Variants in NR3C2 observed in about 807,000 individuals in gnomAD.
The protein encoded by NR3C2 is nuclear receptor subfamily 3 group C member 2.
NR3C2 carries 15 observed loss-of-function variants against 86.4 expected under a neutral mutation model. The observed-to-expected ratio is 0.17, with a 90% CI of 0.12 to 0.27. The LOEUF is 0.27. NR3C2 is among the 10% of genes least tolerant of loss of function. The pLI is 1.00. For missense variants in NR3C2, 960 were observed against 1,195.6 expected (o/e 0.80, Z 2.91); for synonymous variants, 458 against 450.5 (o/e 1.02, Z -0.21).
intron 2 of NR3C2, among the ~76,000 whole-genome samples, chr4:148,413,212 T>G (rs1748798701): frequency 2.0e-5 from 3 of 152,166 alleles, no homozygotes; most frequent in Admixed American, 2.0e-4. Context: ...TGTATTCTGT[T>G]CTTAGCCTCT....
upstream of NR3C2, chr4:148,442,861 A>G (rs1750422878): frequency 9.1e-6 from 9 of 985,266 alleles, no homozygotes; most frequent in Middle Eastern, 5.2e-4. Context: ...GACCGACCCC[A>G]GGATATCTGG....
At chr4:148,259,106 T>G (rs1739966275) in intron 3 of NR3C2, among the ~76,000 whole-genome samples, 1 of 152,200 alleles carries the variant, frequency 6.6e-6, no homozygotes, top group Non-Finnish European at 1.5e-5. Context: ...TTCAAGCCAC[T>G]TATGTTTAAG....
intron 4 of NR3C2, among the ~76,000 whole-genome samples, chr4:148,162,583 C>A (rs1369281188): frequency 6.6e-6 from 1 of 152,196 alleles, no homozygotes; most frequent in Non-Finnish European, 1.5e-5. Flanking sequence ...GTAATCATCT[C>A]TGGGCAATGG....
At chr4:148,418,984 A>C (rs1749139832) in intron 2 of NR3C2, among the ~76,000 whole-genome samples, 1 of 150,892 alleles carries the variant, frequency 6.6e-6, no homozygotes, top group Admixed American at 6.6e-5. Flanking sequence ...AGAGGATGCT[A>C]TCTCTTTACC....
At chr4:148,346,609 C>A (rs1400143453) in intron 2 of NR3C2, among the ~76,000 whole-genome samples, 1 of 152,000 alleles carries the variant, frequency 6.6e-6, no homozygotes, top group African/African-American at 2.4e-5. Context: ...CTATGGTGCA[C>A]CTGGGATACA....
chr4:148,174,582 T>C (rs1315679140), intron 4 of NR3C2, among the ~76,000 whole-genome samples: 1 of 152,156 alleles, frequency 6.6e-6, no homozygotes, highest in African/African-American at 2.4e-5. Context: ...GCATGGAGCA[T>C]GTAGGGGGCA....
chr4:148,353,083 A>C (rs575549717), intron 2 of NR3C2, among the ~76,000 whole-genome samples: 25 of 152,282 alleles, frequency 1.6e-4, no homozygotes, highest in Admixed American at 8.5e-4. Flanking sequence ...CAGTTTTTAC[A>C]AAATTAGAAG....
chr4:148,295,383 C>T (rs1272692431), intron 2 of NR3C2, among the ~76,000 whole-genome samples: 1 of 151,876 alleles, frequency 6.6e-6, no homozygotes, highest in Non-Finnish European at 1.5e-5. Context: ...GTTGAGAACC[C>T]TCACAATCAG....
intron 2 of NR3C2, among the ~76,000 whole-genome samples, chr4:148,391,077 T>G (rs1332655867): frequency 1.3e-5 from 2 of 152,246 alleles, no homozygotes; most frequent in East Asian, 3.8e-4. Flanking sequence ...CATTTTAATA[T>G]GCTTTCCCAT....
intron 2 of NR3C2, among the ~76,000 whole-genome samples, chr4:148,421,238 G>T (rs2126606985): frequency 6.6e-6 from 1 of 152,264 alleles, no homozygotes; most frequent in South Asian, 2.1e-4. Flanking sequence ...GTGGCATTAA[G>T]CACTTTCACA....
chr4:148,241,216 G>A (rs1433426128), intron 3 of NR3C2, among the ~76,000 whole-genome samples: 2 of 126,924 alleles, frequency 1.6e-5, no homozygotes, highest in African/African-American at 6.0e-5. Flanking sequence ...TGAGGCAGGA[G>A]AATCACTGGA....
intron 2 of NR3C2, among the ~76,000 whole-genome samples, chr4:148,367,597 G>C (rs534839351): frequency 1.2e-4 from 18 of 152,188 alleles, no homozygotes; most frequent in Non-Finnish European, 2.2e-4. Flanking sequence ...GAGACCATCA[G>C]ATTGAGTTCT....
chr4:148,087,638 T>C (rs537373496), intron 8 of NR3C2, among the ~76,000 whole-genome samples: 51 of 152,302 alleles, frequency 3.3e-4, no homozygotes, highest in African/African-American at 1.2e-3. Flanking sequence ...TAATAAACGG[T>C]ACGGCGAAAA....
intron 6 of NR3C2, among the ~76,000 whole-genome samples, chr4:148,142,177 A>G (rs1733644558): frequency 6.6e-6 from 1 of 152,230 alleles, no homozygotes; most frequent in Non-Finnish European, 1.5e-5. Context: ...TAATTAGTTT[A>G]TCAAGTGCTT....
In NR3C2 at chr4:148,090,639, G is replaced by A. The variant is rs1369442268; in HGVS notation, c.2800-9140C>T. 2.0e-5 allele frequency among the ~76,000 whole-genome samples: 3 copies of A among 152,172 alleles called. No individual in the cohort carries two copies. In the East Asian group the frequency reaches 5.8e-4, roughly 29 times the overall value. On this transcript the variant is annotated intron_variant, in intron 8 of 8. Transcript: ENST00000358102. ...CCCACATAAACATGTCCACAGCATT[G>A]AGCATCACCCAGGAGATGCTGAGAT...
intron 2 of NR3C2, among the ~76,000 whole-genome samples, chr4:148,285,691 G>C (rs1741485882): frequency 1.3e-5 from 2 of 152,124 alleles, no homozygotes; most frequent in African/African-American, 4.8e-5. Flanking sequence ...TGGTGACAGA[G>C]TGAGACTCTG....
chr4:148,340,248 C>T (rs1744686619), intron 2 of NR3C2, among the ~76,000 whole-genome samples: 1 of 152,074 alleles, frequency 6.6e-6, no homozygotes. Context: ...ATCACACTAC[C>T]TGACTTCAAA....
At chr4:148,394,147 G>C (rs1747735968) in intron 2 of NR3C2, among the ~76,000 whole-genome samples, 1 of 152,156 alleles carries the variant, frequency 6.6e-6, no homozygotes, top group South Asian at 2.1e-4. Flanking sequence ...CCCACCACAT[G>C]AATGAGGCCA....
chr4:148,212,758 T>C (rs1340599763), intron 3 of NR3C2, among the ~76,000 whole-genome samples: 2 of 152,256 alleles, frequency 1.3e-5, no homozygotes, highest in African/African-American at 4.8e-5. Flanking sequence ...TCTCATTTAA[T>C]CAAAATTTAA....
Sources: allele counts gnomAD v4.1 joint callset (sites outside exome capture counted in the v4.1 genomes callset), GRCh38; gene constraint gnomAD v4.1.1; transcripts MANE v1.5; gene names NCBI Gene and HGNC (gene_info 2026-07-23, HGNC 2026-07-21).